B3GLCT: variants seen among roughly 807,000 people sequenced by gnomAD.
B3GLCT encodes beta 3-glucosyltransferase, also known as beta-1,3-glucosyltransferase.
In B3GLCT, 65 loss-of-function variants were observed where a neutral mutation model predicts 63.4. The ratio of observed to expected loss-of-function variants is 1.03; its 90% CI spans 0.84 to 1.26. The LOEUF is 1.26. Among genes scored for constraint, B3GLCT ranks in the 50% most tolerant of loss-of-function variants. B3GLCT has a pLI of 0.00. For synonymous variants in B3GLCT, 233 were observed against 219.2 expected (o/e 1.06, Z -0.55); for missense variants, 577 against 604.8 (o/e 0.95, Z 0.48).
At chr13:31,205,599 G>C (rs1868911118) in intron 1 of B3GLCT, among the ~76,000 whole-genome samples, 1 of 152,082 alleles carries the variant, frequency 6.6e-6, no homozygotes, top group Admixed American at 6.5e-5. Flanking sequence ...ATATTGCCCA[G>C]GCTGGACCTG....
At chr13:31,249,953 T>C (rs1871355252) in intron 6 of B3GLCT, among the ~76,000 whole-genome samples, 1 of 152,250 alleles carries the variant, frequency 6.6e-6, no homozygotes, top group Non-Finnish European at 1.5e-5. Flanking sequence ...TTGATTCTGA[T>C]TTATTTCCAT....
At chr13:31,206,890 A>G (rs1868986824) in intron 1 of B3GLCT, among the ~76,000 whole-genome samples, 1 of 152,208 alleles carries the variant, frequency 6.6e-6, no homozygotes, top group Non-Finnish European at 1.5e-5. Flanking sequence ...AACTAAAACT[A>G]TGAAGTCTGT....
chr13:31,255,475 A>G (rs1871690544), intron 6 of B3GLCT, among the ~76,000 whole-genome samples: 1 of 152,236 alleles, frequency 6.6e-6, no homozygotes, highest in African/African-American at 2.4e-5. Flanking sequence ...TGGAATAAAA[A>G]AAGAGTCCAC....
At chr13:31,254,799 C>T (rs909340788) in intron 6 of B3GLCT, among the ~76,000 whole-genome samples, 2 of 152,126 alleles carry the variant, frequency 1.3e-5, no homozygotes, top group African/African-American at 2.4e-5. Context: ...CACCTGTAAT[C>T]CCAGCACTTT....
At chr13:31,208,560 C>T (rs1204523147) in intron 1 of B3GLCT, among the ~76,000 whole-genome samples, 1 of 151,164 alleles carries the variant, frequency 6.6e-6, no homozygotes, top group Non-Finnish European at 1.5e-5. Flanking sequence ...CCTCCCTTCC[C>T]GTCTCACCCC....
intron 1 of B3GLCT, among the ~76,000 whole-genome samples, chr13:31,213,551 CAGTCTAGCCTGGGCA>C (rs1434814863): frequency 6.7e-6 from 1 of 150,358 alleles, no homozygotes; most frequent in Non-Finnish European, 1.5e-5. Flanking sequence ...TGTGCCATTG[CAGTCTAGCCTGGGCA>C]ACAGAGTGAG....
At position 31,218,088 on chromosome 13, in the gene B3GLCT, T is replaced by C. The variant is rs565983302; in HGVS notation, c.120+2988T>C. ...AGGAATGTTTTTCCATTTGTTTTGT[T>C]GTCTCTGATTTTTTTCAGCAGTGTT... On this transcript the variant is annotated intron_variant, in intron 2 of 14. Coordinates refer to ENST00000343307, the MANE Select transcript of B3GLCT (RefSeq NM_194318.4). 2.0e-5 allele frequency among the ~76,000 whole-genome samples: 3 copies of C among 152,266 alleles called. No individual in the cohort carries two copies. The South Asian group carries it at 6.2e-4, about 32-fold the overall frequency.
At chr13:31,262,922 A>T (rs959589952) in intron 7 of B3GLCT, among the ~76,000 whole-genome samples, 1 of 152,144 alleles carries the variant, frequency 6.6e-6, no homozygotes, top group African/African-American at 2.4e-5. Flanking sequence ...TGGGACTTAT[A>T]ACCTCTGTAT....
At chr13:31,247,829 T>G in intron 5 of B3GLCT, 26 bp from the exon 6 acceptor site, 1 of 1,179,900 alleles carries the variant, frequency 8.5e-7, no homozygotes, top group Non-Finnish European at 1.3e-6. Context: ...CAGAAGTGAT[T>G]ACTGAAACTT....
intron 13 of B3GLCT, among the ~76,000 whole-genome samples, chr13:31,320,995 C>T (rs149385147): frequency 1.1e-3 from 162 of 152,322 alleles, no homozygotes; most frequent in African/African-American, 3.4e-3. Flanking sequence ...ATTATGCAAA[C>T]CATTATCATT....
chr13:31,270,969 T>C (rs938142489), intron 8 of B3GLCT, among the ~76,000 whole-genome samples: 36 of 152,158 alleles, frequency 2.4e-4, no homozygotes, highest in Admixed American at 1.0e-3. Flanking sequence ...TTCCACCTCA[T>C]AAAATGAATA....
chr13:31,286,065 G>T (rs918899851), intron 11 of B3GLCT, among the ~76,000 whole-genome samples: 1 of 152,016 alleles, frequency 6.6e-6, no homozygotes, highest in African/African-American at 2.4e-5. Context: ...TTAAAATGAG[G>T]GGCATATTCC....
intron 12 of B3GLCT, among the ~76,000 whole-genome samples, chr13:31,300,111 A>G (rs1874148398): frequency 6.6e-6 from 1 of 152,160 alleles, no homozygotes; most frequent in South Asian, 2.1e-4. Context: ...CCATCCTCAA[A>G]CCAAGTAGCT....
chr13:31,279,636 C>G (rs369067616), intron 10 of B3GLCT, among the ~76,000 whole-genome samples: 1 of 151,992 alleles, frequency 6.6e-6, no homozygotes, highest in Non-Finnish European at 1.5e-5. Flanking sequence ...AGGACCAGGG[C>G]GAAATTAAAA....
intron 11 of B3GLCT, 128 bp downstream of exon 11, chr13:31,284,889 T>C: frequency 1.5e-6 from 1 of 688,902 alleles, no homozygotes. Context: ...GTTTTTTCCC[T>C]TCTCTCAGAT....
chr13:31,277,562 G>T (rs184222078), intron 10 of B3GLCT, among the ~76,000 whole-genome samples: 7 of 152,252 alleles, frequency 4.6e-5, no homozygotes, highest in African/African-American at 1.7e-4. Context: ...CACCAAGGAT[G>T]TGGTATTTAT....
intron 12 of B3GLCT, among the ~76,000 whole-genome samples, chr13:31,292,030 G>A (rs1037891522): frequency 2.6e-5 from 4 of 152,214 alleles, no homozygotes; most frequent in African/African-American, 7.2e-5. Context: ...ATGAAGGGGT[G>A]TTGAATTTTA....
chr13:31,287,223 C>G (rs1213115532), intron 12 of B3GLCT, among the ~76,000 whole-genome samples: 1 of 152,128 alleles, frequency 6.6e-6, no homozygotes, highest in Non-Finnish European at 1.5e-5. Context: ...GAGAGCTATA[C>G]AGAAAGGGAA....
chr13:31,301,949 GTCCCATGGCTC>G (rs1469174511), intron 12 of B3GLCT, among the ~76,000 whole-genome samples: 1 of 152,100 alleles, frequency 6.6e-6, no homozygotes, highest in Non-Finnish European at 1.5e-5. Context: ...CCTGGGGTGA[GTCCCATGGCTC>G]TCCCCTTTCT....
Sources: gnomAD v4.1 joint callset for allele counts (sites outside exome capture counted in the v4.1 genomes callset) on GRCh38, gnomAD v4.1.1 for gene constraint, MANE v1.5 for transcripts, NCBI Gene and HGNC (gene_info 2026-07-23, HGNC 2026-07-21) for gene names.